Variants in EPB41L3 observed in about 807,000 individuals in gnomAD.
EPB41L3 encodes band 4.1-like protein 3.
In EPB41L3, 57 loss-of-function variants were observed where a neutral mutation model predicts 127.1. That is an observed-to-expected ratio of 0.45 (90% CI 0.36 to 0.56). The LOEUF (loss-of-function observed/expected upper bound fraction) is 0.56, where lower values mean the gene tolerates loss of function less well. Ranked by LOEUF, EPB41L3 falls within the 20% of genes least tolerant of loss-of-function variation. The pLI, the probability that EPB41L3 is intolerant of heterozygous loss-of-function variation, is 0.00. For missense variants in EPB41L3, 1,273 were observed against 1,372.2 expected (o/e 0.93, Z 1.14); for synonymous variants, 572 against 549.5 (o/e 1.04, Z -0.57).
chr18:5,501,954 T>G (rs540501002), intron 1 of EPB41L3, among the ~76,000 whole-genome samples: 28 of 152,282 alleles, frequency 1.8e-4, no homozygotes, highest in Middle Eastern at 3.4e-3. Flanking sequence ...CCTGTAGCAC[T>G]GAAAGGGCTC....
intron 3 of EPB41L3, among the ~76,000 whole-genome samples, chr18:5,571,267 G>T (rs1454453025): frequency 2.0e-5 from 3 of 152,086 alleles, no homozygotes; most frequent in African/African-American, 7.2e-5. Context: ...AAATACATTG[G>T]CCTGCCTATT....
chr18:5,480,039 A>G (rs2088110422), intron 2 of EPB41L3: 1 of 152,232 alleles, frequency 6.6e-6, no homozygotes. Context: ...GGTCATTAGA[A>G]GCTATTAATA....
chr18:5,522,694 A>G (rs2093044254), intron 1 of EPB41L3, among the ~76,000 whole-genome samples: 1 of 152,194 alleles, frequency 6.6e-6, no homozygotes, highest in Non-Finnish European at 1.5e-5. Context: ...ACATTTAAGG[A>G]GTTGAAAAAA....
chr18:5,505,172 T>G (rs1264945975), intron 1 of EPB41L3, among the ~76,000 whole-genome samples: 1 of 152,138 alleles, frequency 6.6e-6, no homozygotes, highest in Non-Finnish European at 1.5e-5. Flanking sequence ...TGACTAAAAG[T>G]CTACATCAAA....
intron 12 of EPB41L3, among the ~76,000 whole-genome samples, chr18:5,417,423 A>C (rs1359472064): frequency 1.3e-5 from 2 of 152,100 alleles, no homozygotes; most frequent in African/African-American, 4.8e-5. Context: ...CTGGACAAGA[A>C]GGGGAGGAAG....
chr18:5,524,187 GTTGTTTT>G (rs775917343), intron 1 of EPB41L3, among the ~76,000 whole-genome samples: 4 of 150,908 alleles, frequency 2.7e-5, no homozygotes, highest in Admixed American at 1.3e-4. Context: ...TTTTGTTGTT[GTTGTTTT>G]TTGTTTTTTG....
intron 16 of EPB41L3, among the ~76,000 whole-genome samples, chr18:5,404,389 T>C (rs1372895842): frequency 6.6e-6 from 1 of 152,172 alleles, no homozygotes; most frequent in Admixed American, 6.5e-5. Context: ...CAGCCTTTGC[T>C]CTTCTCCAGT....
At chr18:5,620,824 C>A (rs1189443697) in intron 1 of EPB41L3, among the ~76,000 whole-genome samples, 1 of 152,088 alleles carries the variant, frequency 6.6e-6, no homozygotes, top group Non-Finnish European at 1.5e-5. Flanking sequence ...AACCTTGGCG[C>A]CAAGGTTTTC....
chr18:5,599,770 A>G (rs1050640482), intron 3 of EPB41L3, among the ~76,000 whole-genome samples: 4 of 152,148 alleles, frequency 2.6e-5, no homozygotes, highest in Non-Finnish European at 4.4e-5. Context: ...TGCTTCCTGT[A>G]CAGCCTGCAG....
At chr18:5,613,912 G>T (rs1290700929) in intron 2 of EPB41L3, among the ~76,000 whole-genome samples, 1 of 152,102 alleles carries the variant, frequency 6.6e-6, no homozygotes, top group East Asian at 1.9e-4. Context: ...TATCAAAAAC[G>T]TTCTCAGTTG....
intron 1 of EPB41L3, among the ~76,000 whole-genome samples, chr18:5,491,395 T>C (rs1246826257): frequency 6.6e-6 from 1 of 152,220 alleles, no homozygotes; most frequent in East Asian, 1.9e-4. Flanking sequence ...CCTGAGCAAA[T>C]GAATATCCCA....
In EPB41L3 at chr18:5,543,768, G is replaced by C. The variant is rs1027941839; in HGVS notation, c.-12+145C>G. 4 of 638,126 alleles carry C rather than the reference G, an allele frequency of 6.3e-6. No individual in the cohort carries two copies. The highest frequency in any genetic ancestry group is 6.4e-5 in the Admixed American group (1 of 15,606). The allele number at this position is 638,126 out of a possible 1,614,324, so 39.5% of individuals were successfully genotyped here. On this transcript the variant is annotated intron_variant, in intron 1 of 22. Transcript: ENST00000341928. The surrounding 1 kb of genome is among the most constrained non-coding windows in gnomAD (Gnocchi z 5.2). ...CCCGGCCGCGCCGGGCGCGGGGCTCGGGATTCGGGAGACCGCGCGGCGCCG... is the reference window on the plus strand; with the variant it reads ...CCCGGCCGCGCCGGGCGCGGGGCTCCGGATTCGGGAGACCGCGCGGCGCCG...
At chr18:5,434,951 G>C (rs996668003) in intron 6 of EPB41L3, among the ~76,000 whole-genome samples, 9 of 152,212 alleles carry the variant, frequency 5.9e-5, no homozygotes, top group African/African-American at 2.2e-4. Context: ...AGACCTTCCA[G>C]TGGGACAGGA....
intron 9 of EPB41L3, 46 bp downstream of exon 9, chr18:5,428,267 C>G (rs759995994): frequency 1.2e-5 from 20 of 1,606,358 alleles, no homozygotes; most frequent in Non-Finnish European, 1.7e-5. Flanking sequence ...TGCTTGCTAT[C>G]AGGGATCTTT....
chr18:5,482,037 A>C (rs1048578893), intron 2 of EPB41L3, among the ~76,000 whole-genome samples: 1 of 152,252 alleles, frequency 6.6e-6, no homozygotes, highest in Non-Finnish European at 1.5e-5. Flanking sequence ...ACAAGGGAAA[A>C]TCCAACCCTA....
chr18:5,613,453 T>A (rs765860385), intron 2 of EPB41L3, among the ~76,000 whole-genome samples: 1 of 152,168 alleles, frequency 6.6e-6, no homozygotes, highest in Non-Finnish European at 1.5e-5. Flanking sequence ...TCAACCTAAA[T>A]TCCTAGCCCT....
intron 3 of EPB41L3, among the ~76,000 whole-genome samples, chr18:5,466,042 C>T (rs2084912607): frequency 6.6e-6 from 1 of 151,930 alleles, no homozygotes; most frequent in Non-Finnish European, 1.5e-5. Context: ...ATTTTCCTCT[C>T]TATATTTCAT....
intron 1 of EPB41L3, among the ~76,000 whole-genome samples, chr18:5,525,185 A>T (rs899614476): frequency 9.9e-5 from 15 of 152,060 alleles, no homozygotes; most frequent in Admixed American, 3.3e-4. Flanking sequence ...TCCAAGCTGG[A>T]CCCAAGTAGA....
chr18:5,587,278 C>A (rs2094449648), intron 3 of EPB41L3, among the ~76,000 whole-genome samples: 1 of 152,006 alleles, frequency 6.6e-6, no homozygotes, highest in Non-Finnish European at 1.5e-5. Context: ...TTTGCACGTT[C>A]TTTTACATTT....
Sources: allele counts gnomAD v4.1 joint callset (sites outside exome capture counted in the v4.1 genomes callset), GRCh38; gene constraint gnomAD v4.1.1; non-coding constraint Gnocchi (gnomAD v3.1); transcripts MANE v1.5; gene names NCBI Gene and HGNC (gene_info 2026-07-23, HGNC 2026-07-21).